MRAP2: variants seen among roughly 807,000 people sequenced by gnomAD.
MRAP2 encodes the protein melanocortin-2 receptor accessory protein 2.
Under a neutral mutation model 17.4 loss-of-function variants are expected in MRAP2, and 20 were observed. The observed-to-expected ratio is 1.15, with a 90% confidence interval of 0.81 to 1.67. The LOEUF is 1.67. Ranked by LOEUF, MRAP2 falls within the 40% of genes most tolerant of loss-of-function variation. The probability of loss-of-function intolerance (pLI) is 0.00; values close to 1 mark genes in which losing one functional copy is unlikely to be tolerated. For synonymous variants in MRAP2, 96 were observed against 88.4 expected (o/e 1.09, Z -0.48); for missense variants, 238 against 240.0 (o/e 0.99, Z 0.05).
At chr6:84,034,429 T>C (rs1005866985) in intron 1 of MRAP2, among the ~76,000 whole-genome samples, 1 of 152,018 alleles carries the variant, frequency 6.6e-6, no homozygotes, top group African/African-American at 2.4e-5. Flanking sequence ...TCGCAGGTCG[T>C]GTTACTGATT....
chr6:84,128,210 A>T, the MRAP2 span, among the ~76,000 whole-genome samples: 1 of 152,168 alleles, frequency 6.6e-6, no homozygotes, highest in African/African-American at 2.4e-5. Flanking sequence ...TAAACTTAGA[A>T]ATCTGGTTTT....
chr6:84,071,504 C>G (rs544401690), intron 3 of MRAP2, among the ~76,000 whole-genome samples: 1 of 152,306 alleles, frequency 6.6e-6, no homozygotes, highest in South Asian at 2.1e-4. Flanking sequence ...TGTCTCACAG[C>G]TCTTAAGATT....
At chr6:84,110,851 A>G in the MRAP2 span, among the ~76,000 whole-genome samples, 17 of 152,184 alleles carry the variant, frequency 1.1e-4, no homozygotes, top group African/African-American at 4.1e-4. Flanking sequence ...CATTTATTAA[A>G]CAGGGAATCC....
At chr6:84,067,565 T>C (rs2099495070) in intron 3 of MRAP2, among the ~76,000 whole-genome samples, 1 of 152,190 alleles carries the variant, frequency 6.6e-6, no homozygotes, top group Admixed American at 6.5e-5. Flanking sequence ...ATTTTTTGAT[T>C]ATGGCCATTC....
At chr6:84,054,116 T>C (rs1354223737) in intron 1 of MRAP2, among the ~76,000 whole-genome samples, 1 of 152,118 alleles carries the variant, frequency 6.6e-6, no homozygotes, top group Non-Finnish European at 1.5e-5. Flanking sequence ...AGATGACTGG[T>C]GACTGCTCAG....
chr6:84,043,102 T>C (rs1020583541), intron 1 of MRAP2, among the ~76,000 whole-genome samples: 2 of 152,240 alleles, frequency 1.3e-5, no homozygotes, highest in East Asian at 3.8e-4. Flanking sequence ...GTCTCTCTTC[T>C]TAGTCTTATT....
At chr6:84,037,479 A>C (rs2099486416) in intron 1 of MRAP2, among the ~76,000 whole-genome samples, 1 of 151,984 alleles carries the variant, frequency 6.6e-6, no homozygotes, top group African/African-American at 2.4e-5. Flanking sequence ...ACAAGCCTGC[A>C]CTCCTCAGCC....
intron 1 of MRAP2, among the ~76,000 whole-genome samples, chr6:84,043,847 G>T (rs900505841): frequency 1.3e-5 from 2 of 152,142 alleles, no homozygotes; most frequent in African/African-American, 4.8e-5. Flanking sequence ...GATCTGAATG[G>T]ACTCATAATA....
chr6:84,035,166 G>C (rs550041237), intron 1 of MRAP2, among the ~76,000 whole-genome samples: 2 of 152,326 alleles, frequency 1.3e-5, no homozygotes, highest in East Asian at 3.9e-4. Context: ...ACCCTTTAAA[G>C]AGGGTCTCGA....
intron 3 of MRAP2, among the ~76,000 whole-genome samples, chr6:84,087,046 C>T (rs896826721): frequency 1.1e-4 from 17 of 152,114 alleles, no homozygotes; most frequent in African/African-American, 4.1e-4. Context: ...TTGTGAACCC[C>T]CAAAATCCGA....
intron 1 of MRAP2, among the ~76,000 whole-genome samples, chr6:84,047,117 C>A (rs779472752): frequency 1.3e-5 from 2 of 151,922 alleles, no homozygotes; most frequent in African/African-American, 2.4e-5. Flanking sequence ...TCTCATTACC[C>A]TCCCCTCAAG....
intron 2 of MRAP2, among the ~76,000 whole-genome samples, chr6:84,058,806 C>T (rs2099492340): frequency 6.6e-6 from 1 of 152,192 alleles, no homozygotes; most frequent in Non-Finnish European, 1.5e-5. Context: ...GTTGCAAAGA[C>T]AGTCTGTGTC....
chr6:84,088,976 C>A (rs796717683), intron 3 of MRAP2, 115 bp from the exon 4 acceptor site: 3 of 1,151,342 alleles, frequency 2.6e-6, no homozygotes, highest in African/African-American at 3.1e-5. Context: ...AAGGGGCTTA[C>A]ACTCAATAGG....
chr6:84,131,354 T>C, the MRAP2 span, among the ~76,000 whole-genome samples: 1 of 152,322 alleles, frequency 6.6e-6, no homozygotes, highest in Non-Finnish European at 1.5e-5. Context: ...TGTAGATGTT[T>C]ATTAGGTCTG....
At chr6:84,145,970 G>A in the MRAP2 span, among the ~76,000 whole-genome samples, 2 of 151,984 alleles carry the variant, frequency 1.3e-5, no homozygotes, top group South Asian at 4.2e-4. Context: ...CCATATAGAG[G>A]CCTAACTTTG....
At chr6:84,100,049 G>C in the MRAP2 span, among the ~76,000 whole-genome samples, 9 of 151,992 alleles carry the variant, frequency 5.9e-5, no homozygotes, top group Non-Finnish European at 1.0e-4. Context: ...TAGTAGGGAT[G>C]GGGTTTTGCC....
At chr6:84,094,293 C>T (rs1250412640), downstream of MRAP2, among the ~76,000 whole-genome samples, 3 of 152,150 alleles carry the variant, frequency 2.0e-5, no homozygotes, top group Non-Finnish European at 4.4e-5. Context: ...AGCATGCTTT[C>T]CTGATGATGA....
chr6:84,100,521 C>A, the MRAP2 span, among the ~76,000 whole-genome samples: 1 of 152,182 alleles, frequency 6.6e-6, no homozygotes, highest in South Asian at 2.1e-4. Context: ...CCTGCTTCAG[C>A]CTCCTGAAGT....
At chr6:84,110,920 G>A in the MRAP2 span, among the ~76,000 whole-genome samples, 1 of 152,110 alleles carries the variant, frequency 6.6e-6, no homozygotes, top group African/African-American at 2.4e-5. Context: ...TAGATGTGTG[G>A]TGTTATTTCT....
Sources: gnomAD v4.1 joint callset for allele counts (sites outside exome capture counted in the v4.1 genomes callset) on GRCh38, gnomAD v4.1.1 for gene constraint, MANE v1.5 for transcripts, NCBI Gene and HGNC (gene_info 2026-07-23, HGNC 2026-07-21) for gene names.